XIST: variants seen among roughly 807,000 people sequenced by gnomAD.
XIST encodes X inactive specific transcript (non-protein coding).
exon 1 of XIST, chrX:73,845,614 G>T (rs766056984): frequency 1.1e-5 from 6 of 554,349 alleles, no homozygotes; most frequent in South Asian, 8.9e-5. Context: ...TGGTGATTCA[G>T]TACCCCTGCT....
chrX:73,837,845 ATT>A (rs1280874445), intron 1 of XIST, among the ~76,000 whole-genome samples: 1 of 111,531 alleles, frequency 9.0e-6, no homozygotes, highest in Non-Finnish European at 1.9e-5. Context: ...ACGTACCATC[ATT>A]GTTTGCAGAT....
chrX:73,852,201 G>A (rs1922966177), exon 1 of XIST: 1 of 543,686 alleles, frequency 1.8e-6, no homozygotes, highest in Admixed American at 2.3e-5. Flanking sequence ...CCAGAGTGTT[G>A]GGGGTTCAGA....
exon 1 of XIST, chrX:73,852,636 G>A: frequency 2.0e-6 from 1 of 489,093 alleles, no homozygotes; most frequent in Non-Finnish European, 3.6e-6. Flanking sequence ...TGGGGGACTA[G>A]AAAATGTTCT....
At chrX:73,832,117 C>CT (rs1922398526) in intron 3 of XIST, among the ~76,000 whole-genome samples, 1 of 111,770 alleles carries the variant, frequency 8.9e-6, no homozygotes, top group South Asian at 3.7e-4. Flanking sequence ...GGTGAATCAC[C>CT]TGAGGTCAGG....
chrX:73,822,774 C>T (rs779073538), exon 6 of XIST: 5 of 552,132 alleles, frequency 9.1e-6, no homozygotes, highest in African/African-American at 6.8e-5. Context: ...CATCAATACT[C>T]GTATGAACGA....
At chrX:73,821,294 T>C (rs984290559) in exon 6 of XIST, 1 of 555,679 alleles carries the variant, frequency 1.8e-6, no homozygotes, top group Non-Finnish European at 3.3e-6. Context: ...ATGGATGTAA[T>C]TGGCTTGCTA....
At chrX:73,831,205 A>G in exon 4 of XIST, 1 of 554,142 alleles carries the variant, frequency 1.8e-6, no homozygotes, top group Non-Finnish European at 3.3e-6. Flanking sequence ...CCCCATCTCC[A>G]CCTAGGGATC....
chrX:73,851,786 T>C (rs778674340), exon 1 of XIST: 1 of 557,020 alleles, frequency 1.8e-6, no homozygotes, highest in South Asian at 2.2e-5. Flanking sequence ...CACAAACGAC[T>C]AGCCCTAAGC....
Position 73,852,680 on chromosome X carries a change from C to A in XIST, n.44G>T, listed in dbSNP as rs768247780. Reference sequence around the variant, plus strand: ...CCCCAAGTGCAGAGAGATCTTCAGTCAGGAAGCTTCCAGCCCCGAGAGAGT... The same window carrying A: ...CCCCAAGTGCAGAGAGATCTTCAGTAAGGAAGCTTCCAGCCCCGAGAGAGT... On this transcript the variant is annotated non_coding_transcript_exon_variant, in exon 1 of 6. Transcript: ENST00000429829. The A allele has an allele frequency of 5.4e-5, 25 of 460,858 alleles. No homozygotes were observed. In the South Asian group the frequency reaches 7.5e-4, roughly 14 times the overall value. 38.0% of individuals were successfully genotyped at this position (460,858 alleles called of 1,213,427 possible). A position where few individuals can be genotyped will look rare whatever the true frequency, so the allele number is the denominator to read the frequency against.
rs1299897267 is a variant in XIST at position 73,847,662 on chromosome X, A to G, written n.5062T>C. 1.1e-5 allele frequency: 6 copies of G among 525,109 alleles called. No individual in the cohort carries two copies. In the Admixed American group the frequency reaches 1.5e-4, roughly 14 times the overall value. The allele number at this position is 525,109 out of a possible 1,213,427, so 43.3% of individuals were successfully genotyped here. ...ATAAAAGACTCAGTTCTAATCAATT[A>G]GACATTTGAAATGTCTTAGACAATT... On this transcript the variant is annotated non_coding_transcript_exon_variant, in exon 1 of 6. Coordinates refer to ENST00000429829, the Ensembl canonical transcript of XIST.
exon 1 of XIST, chrX:73,845,818 G>C (rs748549583): frequency 4.0e-5 from 22 of 549,665 alleles, no homozygotes; most frequent in Non-Finnish European, 5.2e-5. Flanking sequence ...ACTGGGAGTG[G>C]GGGTGGGGGC....
Position 73,823,852 on chromosome X carries a change from C to T in XIST, n.16049G>A, listed in dbSNP as rs772294852. On this transcript the variant is annotated non_coding_transcript_exon_variant, in exon 6 of 6. Coordinates refer to ENST00000429829, the Ensembl canonical transcript of XIST. ...ATCTCACACCTATATTACTTCATTT[C>T]CTTCTGTGAGCACTCTATAATGATA... The T allele has an allele frequency of 1.6e-5, 9 of 556,580 alleles. No individual in the cohort carries two copies. The East Asian group carries it at 2.9e-4, about 18-fold the overall frequency. The allele number at this position is 556,580 out of a possible 1,213,427, so 45.9% of individuals were successfully genotyped here. A position where few individuals can be genotyped will look rare whatever the true frequency, so the allele number is the denominator to read the frequency against.
chrX:73,838,430 C>T (rs1922524950), intron 1 of XIST, among the ~76,000 whole-genome samples: 1 of 110,893 alleles, frequency 9.0e-6, no homozygotes, highest in Admixed American at 9.6e-5. Context: ...TAAGTCTACC[C>T]ATAATTTAAG....
chrX:73,826,584 G>A, exon 6 of XIST: 1 of 559,016 alleles, frequency 1.8e-6, no homozygotes. Flanking sequence ...ATAAACAGGA[G>A]AACTGGAAAT....
chrX:73,828,838 A>ATGTGTTCTATGTCTTGTGTG (rs1922320626), intron 5 of XIST: 1 of 320,693 alleles, frequency 3.1e-6, no homozygotes, highest in African/African-American at 2.6e-5. Context: ...CATAGAACAC[A>ATGTGTTCTATGTCTTGTGTG]CAAGCAAAGG....
Position 73,852,102 on chromosome X carries a change from A to T in XIST, n.622T>A, listed in dbSNP as rs748095110. The T allele has an allele frequency of 1.7e-5, 9 of 527,208 alleles. No homozygotes were observed. The Admixed American group carries it at 2.2e-4, about 13-fold the overall frequency. The allele number at this position is 527,208 out of a possible 1,213,427, so 43.4% of individuals were successfully genotyped here. A position where few individuals can be genotyped will look rare whatever the true frequency, so the allele number is the denominator to read the frequency against. On this transcript the variant is annotated non_coding_transcript_exon_variant, in exon 1 of 6. Transcript: ENST00000429829. ...ATCCGAGGCCCCGATGGGCAAGGAA[A>T]AATAAAAAAAAAAAAAGCAGGTATC...
At chrX:73,840,888 A>C (rs1261807423) in intron 1 of XIST, among the ~76,000 whole-genome samples, 1 of 111,921 alleles carries the variant, frequency 8.9e-6, no homozygotes, top group Non-Finnish European at 1.9e-5. Flanking sequence ...AACCAACTGG[A>C]CTATCCAGAT....
At chrX:73,840,643 T>C (rs1319237698) in intron 1 of XIST, among the ~76,000 whole-genome samples, 1 of 111,703 alleles carries the variant, frequency 9.0e-6, no homozygotes, top group Non-Finnish European at 1.9e-5. Context: ...GTATCTACGA[T>C]ATGCATTATC....
intron 1 of XIST, among the ~76,000 whole-genome samples, chrX:73,838,236 T>C (rs1008093953): frequency 4.5e-5 from 5 of 111,221 alleles, no homozygotes; most frequent in Admixed American, 9.6e-5. Flanking sequence ...TAAAGTAACA[T>C]AGATAATTTT....
Sources: allele counts gnomAD v4.1 joint callset (sites outside exome capture counted in the v4.1 genomes callset), GRCh38; gene constraint gnomAD v4.1.1; transcripts MANE v1.5; gene names NCBI Gene and HGNC (gene_info 2026-07-23, HGNC 2026-07-21).